Variants in FMN1 observed in about 807,000 individuals in gnomAD.
The protein encoded by FMN1 is formin-1.
In FMN1, 110 loss-of-function variants were observed where a neutral mutation model predicts 132.4. That is an observed-to-expected ratio of 0.83 (90% CI 0.71 to 0.97). The LOEUF is 0.97. FMN1 is among the 50% of genes least tolerant of loss of function. FMN1 has a pLI of 0.00. For missense variants in FMN1, 1,792 were observed against 1,705.3 expected (o/e 1.05, Z -0.90); for synonymous variants, 722 against 651.7 (o/e 1.11, Z -1.64).
At chr15:33,106,969 G>A (rs1011076649) in intron 4 of FMN1, among the ~76,000 whole-genome samples, 6 of 151,838 alleles carry the variant, frequency 4.0e-5, no homozygotes, top group Non-Finnish European at 7.4e-5. Context: ...AATGTATCTG[G>A]CCATAAGCTC....
intron 9 of FMN1, among the ~76,000 whole-genome samples, chr15:32,938,058 G>T (rs1426182644): frequency 6.6e-6 from 1 of 151,974 alleles, no homozygotes; most frequent in East Asian, 1.9e-4. Flanking sequence ...AAAGAAACTT[G>T]AAGACTATAG....
chr15:32,804,789 C>CT (rs2057618231), intron 17 of FMN1, among the ~76,000 whole-genome samples: 3 of 151,780 alleles, frequency 2.0e-5, no homozygotes, highest in African/African-American at 7.3e-5. Context: ...TGATAGTTTG[C>CT]TGAGAATGAT....
At chr15:33,122,544 A>G (rs1962666150) in intron 4 of FMN1, among the ~76,000 whole-genome samples, 2 of 152,232 alleles carry the variant, frequency 1.3e-5, no homozygotes, top group Non-Finnish European at 1.5e-5. Context: ...ATGCAACAGG[A>G]TAAACAACCA....
At chr15:33,071,058 G>A (rs74958791) in intron 5 of FMN1, among the ~76,000 whole-genome samples, 1,558 of 152,230 alleles carry the variant, frequency 0.01, 34 homozygotes, top group African/African-American at 0.036. Flanking sequence ...ACACAGCGAG[G>A]TGCAAAGGTT....
rs1179149038 is a variant in FMN1 at position 32,907,939 on chromosome 15, G to A, written c.3377+551C>T. 4.6e-5 allele frequency among the ~76,000 whole-genome samples: 7 copies of A among 152,102 alleles called. No individual in the cohort carries two copies. In the East Asian group the frequency reaches 9.7e-4, roughly 21 times the overall value. On this transcript the variant is annotated intron_variant, in intron 12 of 20. Coordinates refer to ENST00000616417, the MANE Select transcript of FMN1 (RefSeq NM_001277313.2). ...TCTGGGTCTTCAAAGCCTATGGAACGGCATCACAAACAACAGAGCAAGCAG... is the reference window on the plus strand; with the variant it reads ...TCTGGGTCTTCAAAGCCTATGGAACAGCATCACAAACAACAGAGCAAGCAG...
At chr15:33,180,744 CTTTTTTTTTTTTT>C (rs35033683) in intron 2 of FMN1, among the ~76,000 whole-genome samples, 1 of 108,222 alleles carries the variant, frequency 9.2e-6, no homozygotes, top group African/African-American at 3.6e-5. Flanking sequence ...CTCCTGCTGC[CTTTTTTTTTTTTT>C]TTTTTTTTTA....
At chr15:33,037,926 T>C (rs1325991602) in intron 6 of FMN1, among the ~76,000 whole-genome samples, 1 of 152,246 alleles carries the variant, frequency 6.6e-6, no homozygotes, top group African/African-American at 2.4e-5. Flanking sequence ...TACTGATACC[T>C]TAAAATAAAA....
chr15:33,091,509 G>C (rs1288790229), intron 4 of FMN1, among the ~76,000 whole-genome samples: 4 of 152,098 alleles, frequency 2.6e-5, no homozygotes, highest in Non-Finnish European at 4.4e-5. Context: ...AAACATGCAA[G>C]GTAAAACCAT....
At chr15:33,040,994 T>C (rs2036408134) in intron 6 of FMN1, among the ~76,000 whole-genome samples, 1 of 152,200 alleles carries the variant, frequency 6.6e-6, no homozygotes, top group African/African-American at 2.4e-5. Context: ...AAAAGGTTGA[T>C]TATTTTGGGC....
intron 19 of FMN1, among the ~76,000 whole-genome samples, chr15:32,783,515 G>C (rs554406678): frequency 2.9e-4 from 44 of 152,138 alleles, no homozygotes; most frequent in African/African-American, 1.0e-3. Flanking sequence ...GGGAGGCCGA[G>C]GTGAGTGGAT....
At chr15:33,084,951 T>C (rs345797) in intron 5 of FMN1, among the ~76,000 whole-genome samples, 1 of 152,094 alleles carries the variant, frequency 6.6e-6, no homozygotes, top group Non-Finnish European at 1.5e-5. Context: ...ACATCCTGAT[T>C]GTGACGCTGC....
intron 3 of FMN1, among the ~76,000 whole-genome samples, chr15:33,173,852 C>A (rs1017256138): frequency 6.6e-6 from 1 of 152,132 alleles, no homozygotes; most frequent in Non-Finnish European, 1.5e-5. Context: ...TCGCTTGAAC[C>A]CAGGAGGTGG....
At chr15:33,081,193 G>C (rs973339149) in intron 5 of FMN1, among the ~76,000 whole-genome samples, 1 of 152,176 alleles carries the variant, frequency 6.6e-6, no homozygotes, top group Non-Finnish European at 1.5e-5. Flanking sequence ...TCCACGGCTA[G>C]CTTTGGTTTA....
chr15:32,967,333 A>C (rs1322034337), intron 8 of FMN1, among the ~76,000 whole-genome samples: 3 of 152,228 alleles, frequency 2.0e-5, no homozygotes, highest in South Asian at 2.1e-4. Flanking sequence ...AAGTGAAGGC[A>C]GGCTAGTGGG....
At chr15:32,850,243 A>G (rs2058978437) in intron 17 of FMN1, among the ~76,000 whole-genome samples, 2 of 151,674 alleles carry the variant, frequency 1.3e-5, no homozygotes, top group Non-Finnish European at 2.9e-5. Context: ...CTGTAACCTT[A>G]GTGGTTGAAT....
chr15:32,966,121 G>A (rs1379890648), intron 8 of FMN1, among the ~76,000 whole-genome samples: 1 of 152,106 alleles, frequency 6.6e-6, no homozygotes. Flanking sequence ...GTGAAGTGAT[G>A]CAGAGTGTCA....
intron 5 of FMN1, among the ~76,000 whole-genome samples, chr15:33,065,295 T>G (rs560229516): frequency 5.6e-4 from 86 of 152,274 alleles, no homozygotes; most frequent in Admixed American, 1.2e-3. Flanking sequence ...CAAAAAAACC[T>G]CAAGGCTAAG....
rs1464093314 is a variant in FMN1, at chr15:32,774,090, GCAATGTTC to G, written c.*212_*219del. ...CAAGAAACAGTCATCAAATATTTCT[GCAATGTTC>G]CCTTAAATAGTTTTCCATTGTTCCT... is the stretch of plus-strand genomic sequence containing the variant. On this transcript the variant is annotated 3_prime_UTR_variant, in exon 21 of 21. Transcript: ENST00000616417. The G allele has an allele frequency of 1.8e-6, 1 of 541,086 alleles. No homozygotes were observed. The allele number at this position is 541,086 out of a possible 1,614,324, so 33.5% of individuals were successfully genotyped here.
intron 9 of FMN1, among the ~76,000 whole-genome samples, chr15:32,945,350 G>A (rs347918): frequency 0.017 from 2,583 of 152,198 alleles, 75 homozygotes; most frequent in African/African-American, 0.059. Flanking sequence ...AGTATTGGAA[G>A]TAACTTTCTC....
Sources: allele counts gnomAD v4.1 joint callset (sites outside exome capture counted in the v4.1 genomes callset), GRCh38; gene constraint gnomAD v4.1.1; transcripts MANE v1.5; gene names NCBI Gene and HGNC (gene_info 2026-07-23, HGNC 2026-07-21).